XPNPEP2: variants seen among roughly 807,000 people sequenced by gnomAD.
XPNPEP2 encodes the protein X-prolyl aminopeptidase 2.
In XPNPEP2, 64 loss-of-function variants were observed where a neutral mutation model predicts 59.8. That is an observed-to-expected ratio of 1.07 (90% CI 0.87 to 1.32). The LOEUF (loss-of-function observed/expected upper bound fraction) is 1.32, where lower values mean the gene tolerates loss of function less well. Among genes scored for constraint, XPNPEP2 ranks in the 40% most tolerant of loss-of-function variants. The pLI, the probability that XPNPEP2 is intolerant of heterozygous loss-of-function variation, is 0.00. For synonymous variants in XPNPEP2, 235 were observed against 210.0 expected, an observed-to-expected ratio of 1.12 and a Z score of -1.03; for missense variants, 575 against 546.8, an observed-to-expected ratio of 1.05 and a Z score of -0.51.
intron 4 of XPNPEP2, 39 bp from the exon 5 acceptor site, chrX:129,746,197 C>T (rs749637935): frequency 5.2e-6 from 6 of 1,160,237 alleles, no homozygotes; most frequent in Non-Finnish European, 7.0e-6. Context: ...ACGTTCCTCC[C>T]CTTCACCCTC....
In XPNPEP2 at chrX:129,739,090, T is replaced by G; in HGVS notation, c.-124T>G. 1.4e-6 allele frequency: 1 copy of G among 715,003 alleles called. No homozygotes were observed. Among genetic ancestry groups the G allele is most frequent in the Non-Finnish European group, 2.1e-6 (1 of 482,322 alleles). The allele number at this position is 715,003 out of a possible 1,213,427, so 58.9% of individuals were successfully genotyped here. A position where few individuals can be genotyped will look rare whatever the true frequency, so the allele number is the denominator to read the frequency against. On this transcript the variant is annotated 5_prime_UTR_variant, in exon 1 of 21. Coordinates refer to ENST00000371106, the MANE Select transcript of XPNPEP2 (RefSeq NM_003399.6). ...ACCCAGCAGCCAGACGCCTCCTTCT[T>G]GACGCCAGCCCCCACCCTCTGTCTG...
At chrX:129,740,526 G>A (rs776613249) in intron 1 of XPNPEP2, among the ~76,000 whole-genome samples, 3 of 110,827 alleles carry the variant, frequency 2.7e-5, no homozygotes, top group East Asian at 2.8e-4. Flanking sequence ...CCTCAGGGGG[G>A]GCTGAGGCAG....
At chrX:129,758,102 G>A (rs1926589369) in intron 14 of XPNPEP2, among the ~76,000 whole-genome samples, 1 of 111,003 alleles carries the variant, frequency 9.0e-6, no homozygotes, top group Non-Finnish European at 1.9e-5. Flanking sequence ...ACAAAAGAAG[G>A]GCCGTACTGA....
At position 129,745,594 on chromosome X, in the gene XPNPEP2, C is replaced by T. The variant is rs149359654; in HGVS notation, c.298+328C>T. On this transcript the variant is annotated intron_variant, in intron 4 of 20. Transcript: ENST00000371106. ...CTTCTACCTCTAACCGCTAAGAACCCGCTGATTCCTTTCACATGAGGGCTC... is the reference window on the plus strand; with the variant it reads ...CTTCTACCTCTAACCGCTAAGAACCTGCTGATTCCTTTCACATGAGGGCTC... Among the ~76,000 whole-genome samples the T allele has an allele frequency of 3.3e-3, 375 of 111,975 alleles. 4 individuals carry two copies. The highest frequency in any genetic ancestry group is 0.01 in the African/African-American group (319 of 30,819).
At chrX:129,747,487 C>T (rs1056318381) in intron 6 of XPNPEP2, 120 bp from the exon 7 acceptor site, 5 of 1,030,024 alleles carry the variant, frequency 4.9e-6, no homozygotes, top group Non-Finnish European at 6.6e-6. Flanking sequence ...CTGGGGCAGG[C>T]TCCGGGCAGC....
intron 19 of XPNPEP2, among the ~76,000 whole-genome samples, chrX:129,763,757 T>C (rs995980846): frequency 5.4e-5 from 6 of 111,337 alleles, no homozygotes; most frequent in East Asian, 2.8e-4. Flanking sequence ...GGAGATGAAA[T>C]AGATAGCTGT....
rs376298294 is a variant in XPNPEP2 at position 129,742,092 on chromosome X, T to C, written c.50-16T>C. On this transcript the variant is annotated splice_polypyrimidine_tract_variant and intron_variant, in intron 1 of 20. Transcript: ENST00000371106. Reference sequence around the variant, plus strand: ...CTGGTCCCCAAATGACCCTGGATTTTTCTCCCGGCTTCTAGCTTGTGCCTG... The same window carrying C: ...CTGGTCCCCAAATGACCCTGGATTTCTCTCCCGGCTTCTAGCTTGTGCCTG... 38 of 1,204,477 alleles carry C rather than the reference T, an allele frequency of 3.2e-5. No homozygotes were observed. The highest frequency in any genetic ancestry group is 4.2e-5 in the Non-Finnish European group (37 of 891,201).
At position 129,766,516 on chromosome X, in the gene XPNPEP2, T is replaced by C. The variant is rs181907502; in HGVS notation, c.1741-1087T>C. ...GCCATCCATTGCACCTGGCCTCTTT[T>C]TTTTTTTTTAGAGACAGGGTCTCAC... On this transcript the variant is annotated intron_variant, in intron 19 of 20. Coordinates refer to ENST00000371106, the MANE Select transcript of XPNPEP2 (RefSeq NM_003399.6). Among the ~76,000 whole-genome samples, 558 of 110,959 alleles carry C rather than the reference T, an allele frequency of 5.0e-3. 7 individuals are homozygous for C. Among genetic ancestry groups the C allele is most frequent in the Non-Finnish European group, 8.1e-3 (426 of 52,864 alleles).
intron 8 of XPNPEP2, among the ~76,000 whole-genome samples, chrX:129,751,240 A>T (rs955107519): frequency 2.2e-4 from 24 of 108,623 alleles, no homozygotes; most frequent in Non-Finnish European, 4.4e-4. Context: ...GGGTGCGGTG[A>T]CTCACGCCTG....
chrX:129,746,919 A>G (rs1056813668), intron 6 of XPNPEP2: 2 of 398,361 alleles, frequency 5.0e-6, no homozygotes, highest in African/African-American at 2.5e-5. Context: ...CAGAGACCCA[A>G]CCTAGAAGAC....
At chrX:129,764,517 T>C (rs11096256) in intron 19 of XPNPEP2, among the ~76,000 whole-genome samples, 44,217 of 107,186 alleles carry the variant, frequency 0.41, 8,240 homozygotes, top group East Asian at 0.77. Flanking sequence ...TAGCCGGGTG[T>C]GGTGGTGCAT....
chrX:129,760,407 A>T, intron 15 of XPNPEP2, 105 bp from the exon 16 acceptor site: 1 of 854,846 alleles, frequency 1.2e-6, no homozygotes, highest in Non-Finnish European at 1.6e-6. Context: ...CTGCCTACAC[A>T]CACCCAGGCC....
chrX:129,745,214 C>A lies in XPNPEP2; in HGVS notation c.246C>A (p.Ile82=). Residue 82 remains isoleucine (I), a synonymous_variant, in exon 4 of 21, where the codon ATC becomes ATA. Coordinates refer to ENST00000371106, the MANE Select transcript of XPNPEP2 (RefSeq NM_003399.6). ...PGTDAHMNEY[I]GQHDERRAWI... is the part of the protein sequence containing the mutation. ...TGTTGATTTCCTAGAACGAGTACAT[C>A]GGCCAACATGACGAGAGGCGTGCGT... 8.3e-7 allele frequency: 1 copy of A among 1,211,418 alleles called. No homozygotes were observed. Among genetic ancestry groups the A allele is most frequent in the Non-Finnish European group, 1.1e-6 (1 of 895,417 alleles).
Position 129,755,370 on chromosome X carries a change from A to G in XPNPEP2, c.1294A>G (p.Ser432Gly). The G allele has an allele frequency of 8.3e-7, 1 of 1,209,955 alleles. No homozygotes were observed. The highest frequency in any genetic ancestry group is 1.7e-5 in the African/African-American group (1 of 57,625). Residue 432 changes from serine (S) to glycine (G), a missense_variant and splice_region_variant, in exon 13 of 21, where the codon AGC becomes GGC. Ser to Gly is a moderately conservative substitution (Grantham distance 56). Transcript: ENST00000371106. ...SGLNAALAHY[S>G]PTKELNRKLS... ...TCTGAATGCTGCCCTGGCCCACTACAGGTACTTGAGGAAAAAGAATTTTCT... is the reference window on the plus strand; with the variant it reads ...TCTGAATGCTGCCCTGGCCCACTACGGGTACTTGAGGAAAAAGAATTTTCT...
intron 3 of XPNPEP2, 71 bp downstream of exon 3, chrX:129,744,142 A>T: frequency 3.2e-6 from 3 of 950,731 alleles, no homozygotes; most frequent in Non-Finnish European, 4.5e-6. Flanking sequence ...AGGAGCTGTT[A>T]AAACTCAGAA....
intron 1 of XPNPEP2, among the ~76,000 whole-genome samples, chrX:129,740,236 G>A (rs1030951361): frequency 1.7e-4 from 19 of 112,792 alleles, no homozygotes; most frequent in South Asian, 3.6e-4. Context: ...AGTATGGGTC[G>A]CATCTGATCC....
intron 19 of XPNPEP2, 135 bp downstream of exon 19, chrX:129,762,905 C>A: frequency 1.8e-6 from 1 of 549,913 alleles, no homozygotes; most frequent in Non-Finnish European, 3.1e-6. Flanking sequence ...TGGAGTCTTC[C>A]TTAGGAATTC....
At chrX:129,767,419 T>C (rs938983113) in intron 19 of XPNPEP2, among the ~76,000 whole-genome samples, 184 bp from the exon 20 acceptor site, 5 of 111,287 alleles carry the variant, frequency 4.5e-5, no homozygotes, top group South Asian at 7.6e-4. Flanking sequence ...GAGCACTAAG[T>C]GGCAGACAAG....
rs185260305 is a variant in XPNPEP2, at chrX:129,753,168, G to A, written c.1027G>A (p.Val343Met). The A allele has an allele frequency of 1.7e-5, 20 of 1,209,044 alleles. No homozygotes were observed. In the East Asian group the frequency reaches 2.1e-4, roughly 13 times the overall value. The change falls in exon 11 of 21, where the codon GTG becomes ATG. Residue 343 changes from valine (V) to methionine (M), a missense_variant. Coordinates refer to ENST00000371106, the MANE Select transcript of XPNPEP2 (RefSeq NM_003399.6). ...IYEMIPKEKL[V>M]TDTYSPVMMT... ...TCCCTGCCCCCAACAGGAGAAACTCGTGACAGACACCTACTCCCCAGTGAT... is the reference window on the plus strand; with the variant it reads ...TCCCTGCCCCCAACAGGAGAAACTCATGACAGACACCTACTCCCCAGTGAT...
Sources: gnomAD v4.1 joint callset for allele counts (sites outside exome capture counted in the v4.1 genomes callset) on GRCh38, gnomAD v4.1.1 for gene constraint, MANE v1.5 for transcripts, NCBI Gene and HGNC (gene_info 2026-07-23, HGNC 2026-07-21) for gene names.